IQGAP1: variants seen among roughly 807,000 people sequenced by gnomAD.
IQGAP1 encodes ras GTPase-activating-like protein IQGAP1.
A neutral mutation model predicts 215.6 loss-of-function variants in IQGAP1; 66 were observed. The observed-to-expected ratio is 0.31, with a 90% CI of 0.25 to 0.38. The LOEUF is 0.38. Among genes scored for constraint, IQGAP1 ranks in the 10% least tolerant of loss-of-function variants. The pLI, the probability that IQGAP1 is intolerant of heterozygous loss-of-function variation, is 1.00. For missense variants in IQGAP1, 1,712 were observed against 1,997.1 expected, an observed-to-expected ratio of 0.86 and a Z score of 2.72; for synonymous variants, 772 against 728.7, an observed-to-expected ratio of 1.06 and a Z score of -0.96.
intron 2 of IQGAP1, among the ~76,000 whole-genome samples, chr15:90,423,474 C>T (rs1015546846): frequency 5.3e-5 from 8 of 152,130 alleles, no homozygotes; most frequent in South Asian, 2.1e-4. Flanking sequence ...CTCAAGTGTT[C>T]GGCCTGCCTT....
rs759334683 is a variant in IQGAP1, at chr15:90,474,102, A to C, written c.2544A>C (p.Ala848=). The change falls in exon 22 of 38, where the codon GCA becomes GCC. Residue 848 remains alanine, a synonymous_variant. Coordinates refer to ENST00000268182, the MANE Select transcript of IQGAP1 (RefSeq NM_003870.4). ...DIIKIQAFIR[A]NKARDDYKTL... is the part of the protein sequence containing the mutation. ...TCAAAATCCAGGCTTTTATTCGGGCAAACAAAGCTCGGGATGACTACAAGA... is the reference window on the plus strand; with the variant it reads ...TCAAAATCCAGGCTTTTATTCGGGCCAACAAAGCTCGGGATGACTACAAGA... 1.2e-6 allele frequency: 2 copies of C among 1,613,404 alleles called. No homozygotes were observed. The highest frequency in any genetic ancestry group is 1.7e-6 in the Non-Finnish European group (2 of 1,179,714).
chr15:90,445,627 C>A (rs912332643), intron 9 of IQGAP1, among the ~76,000 whole-genome samples: 1 of 151,990 alleles, frequency 6.6e-6, no homozygotes, highest in Non-Finnish European at 1.5e-5. Flanking sequence ...TTAGACTCAC[C>A]AAAAAAACTA....
intron 2 of IQGAP1, among the ~76,000 whole-genome samples, chr15:90,395,360 GC>G (rs1964699032): frequency 6.6e-6 from 1 of 150,868 alleles, no homozygotes; most frequent in Non-Finnish European, 1.5e-5. Context: ...TCGCTCTGTC[GC>G]CCGGGCCAGA....
At chr15:90,407,953 AG>A (rs1318801988) in intron 2 of IQGAP1, among the ~76,000 whole-genome samples, 2 of 152,240 alleles carry the variant, frequency 1.3e-5, no homozygotes, top group African/African-American at 4.8e-5. Context: ...CAGTGTCACA[AG>A]GCAATATGTA....
rs145573380 is a variant in IQGAP1 at position 90,486,083 on chromosome 15, C to T, written c.3975C>T (p.His1325=). 3.3e-5 allele frequency: 53 copies of T among 1,613,942 alleles called. No homozygotes were observed. The highest frequency in any genetic ancestry group is 1.3e-4 in the Admixed American group (8 of 60,008). The change falls in exon 31 of 38, where the codon CAC becomes CAT. Residue 1325 remains histidine, a synonymous_variant. Coordinates refer to ENST00000268182, the MANE Select transcript of IQGAP1 (RefSeq NM_003870.4). ...CTCCGGAGCACAATGATCCAATCCA[C>T]GAACTGCTGGACGACCTCGGCGAGG... ...AIAPEHNDPI[H]ELLDDLGEVP...
At chr15:90,464,567 A>T (rs556595087) in intron 15 of IQGAP1, among the ~76,000 whole-genome samples, 1 of 152,188 alleles carries the variant, frequency 6.6e-6, no homozygotes, top group South Asian at 2.1e-4. Flanking sequence ...TTGGAAGATA[A>T]CGGCCAGGCG....
chr15:90,477,343 A>G (rs752379361), intron 25 of IQGAP1, 113 bp downstream of exon 25: 3 of 903,242 alleles, frequency 3.3e-6, no homozygotes, highest in Non-Finnish European at 4.9e-6. Flanking sequence ...TATGAAAAAT[A>G]CTTACTCTAA....
chr15:90,390,517 A>C (rs1302568738), intron 1 of IQGAP1, among the ~76,000 whole-genome samples: 2 of 152,220 alleles, frequency 1.3e-5, no homozygotes, highest in Admixed American at 6.5e-5. Flanking sequence ...AAATCTCAAG[A>C]CAGTATTTTT....
At chr15:90,480,115 A>G (rs964590255) in intron 26 of IQGAP1, among the ~76,000 whole-genome samples, 3 of 151,830 alleles carry the variant, frequency 2.0e-5, no homozygotes, top group East Asian at 1.9e-4. Context: ...TGAGCCAGGC[A>G]TGGTGGCATG....
At chr15:90,461,649 G>A (rs1965763339) in intron 15 of IQGAP1, among the ~76,000 whole-genome samples, 1 of 152,082 alleles carries the variant, frequency 6.6e-6, no homozygotes, top group South Asian at 2.1e-4. Flanking sequence ...GACCAGCCTG[G>A]CTGACATGGC....
intron 2 of IQGAP1, among the ~76,000 whole-genome samples, chr15:90,417,888 T>C (rs1485144348): frequency 6.6e-6 from 1 of 152,246 alleles, no homozygotes; most frequent in Non-Finnish European, 1.5e-5. Flanking sequence ...TTTTATTTCA[T>C]TGAGCAGTGG....
rs186977120 is a variant in IQGAP1, at chr15:90,412,073, C to T, written c.156-14037C>T. Reference sequence around the variant, plus strand: ...ACTCTATTAAAATAAAACAATTAGACATGTAATTTTGACAAGTAGACTTGA... The same window carrying T: ...ACTCTATTAAAATAAAACAATTAGATATGTAATTTTGACAAGTAGACTTGA... On this transcript the variant is annotated intron_variant, in intron 2 of 37. Transcript: ENST00000268182. Among the ~76,000 whole-genome samples, 20 of 152,152 alleles carry T rather than the reference C, an allele frequency of 1.3e-4. No homozygotes were observed. The Middle Eastern group carries it at 0.027, about 207-fold the overall frequency.
intron 11 of IQGAP1, among the ~76,000 whole-genome samples, chr15:90,450,820 T>TG (rs1763473152): frequency 1.3e-5 from 2 of 151,444 alleles, no homozygotes; most frequent in African/African-American, 2.4e-5. Context: ...TTTTTGTTTT[T>TG]TTTTTTTTGG....
chr15:90,496,303 T>TC (rs1966272217), intron 36 of IQGAP1, among the ~76,000 whole-genome samples: 1 of 131,544 alleles, frequency 7.6e-6, no homozygotes, highest in Non-Finnish European at 1.6e-5. Context: ...AACAGCATAA[T>TC]CCCTTTTTTT....
intron 15 of IQGAP1, among the ~76,000 whole-genome samples, chr15:90,463,213 T>C (rs1965786919): frequency 6.6e-6 from 1 of 152,226 alleles, no homozygotes; most frequent in African/African-American, 2.4e-5. Flanking sequence ...AAGGAGTATG[T>C]ATGAAAGGTT....
At chr15:90,423,379 G>A (rs182900693) in intron 2 of IQGAP1, among the ~76,000 whole-genome samples, 524 of 152,204 alleles carry the variant, frequency 3.4e-3, no homozygotes, top group Non-Finnish European at 5.3e-3. Context: ...GACTATAGGT[G>A]CACACCACCA....
intron 37 of IQGAP1, among the ~76,000 whole-genome samples, chr15:90,498,973 A>G (rs1474971333): frequency 1.3e-5 from 2 of 152,114 alleles, no homozygotes; most frequent in Non-Finnish European, 2.9e-5. Context: ...CCACGCCCCA[A>G]CGCCCAGCTA....
intron 2 of IQGAP1, among the ~76,000 whole-genome samples, chr15:90,416,666 C>G (rs772560699): frequency 6.6e-6 from 1 of 152,004 alleles, no homozygotes; most frequent in African/African-American, 2.4e-5. Flanking sequence ...CAGGCTTCAC[C>G]TCCCGTGTTC....
chr15:90,467,073 C>A (rs1159971626), intron 17 of IQGAP1, among the ~76,000 whole-genome samples: 4 of 151,634 alleles, frequency 2.6e-5, no homozygotes, highest in Non-Finnish European at 5.9e-5. Context: ...GCCTGGGCAA[C>A]AGAGCAAGAC....
Sources: gnomAD v4.1 joint callset for allele counts (sites outside exome capture counted in the v4.1 genomes callset) on GRCh38, gnomAD v4.1.1 for gene constraint, MANE v1.5 for transcripts, NCBI Gene and HGNC (gene_info 2026-07-23, HGNC 2026-07-21) for gene names.